CAMSAP1: variants seen among roughly 807,000 people sequenced by gnomAD.
CAMSAP1 encodes calmodulin regulated spectrin associated protein 1, also known as calmodulin-regulated spectrin-associated protein 1.
CAMSAP1 carries 58 observed loss-of-function variants against 143.5 expected under a neutral mutation model. The ratio of observed to expected loss-of-function variants is 0.40; its 90% CI spans 0.33 to 0.50. The LOEUF (loss-of-function observed/expected upper bound fraction) is 0.50. Ranked by LOEUF, CAMSAP1 falls within the 20% of genes least tolerant of loss-of-function variation. The probability of loss-of-function intolerance (pLI) is 0.45; values close to 1 mark genes in which losing one functional copy is unlikely to be tolerated. For missense variants in CAMSAP1, 1,969 were observed against 2,115.7 expected (o/e 0.93, Z 1.36); for synonymous variants, 945 against 859.3 (o/e 1.10, Z -1.74).
intron 1 of CAMSAP1, 75 bp downstream of exon 1, chr9:135,906,925 G>C: frequency 1.2e-6 from 1 of 850,106 alleles, no homozygotes; most frequent in Non-Finnish European, 1.4e-6. Context: ...ACCCCGACCC[G>C]GCCGGACCCC....
chr9:135,886,632 G>A (rs772912648), intron 1 of CAMSAP1, among the ~76,000 whole-genome samples: 6 of 152,206 alleles, frequency 3.9e-5, no homozygotes, highest in Non-Finnish European at 7.3e-5. Flanking sequence ...AGGCTTAGGC[G>A]GGCACACAAG....
chr9:135,843,077 C>T (rs1282985607), intron 7 of CAMSAP1, among the ~76,000 whole-genome samples: 4 of 152,072 alleles, frequency 2.6e-5, no homozygotes, highest in South Asian at 2.1e-4. Context: ...CCTGTAATCC[C>T]AGCACCTTGG....
At chr9:135,877,819 CAAAA>C (rs1837804569) in intron 3 of CAMSAP1, among the ~76,000 whole-genome samples, 1 of 151,694 alleles carries the variant, frequency 6.6e-6, no homozygotes, top group South Asian at 2.1e-4. Flanking sequence ...TCCAAAAAAA[CAAAA>C]AGAGAGAAAG....
At chr9:135,881,441 G>A (rs367708743) in intron 3 of CAMSAP1, among the ~76,000 whole-genome samples, 192 bp downstream of exon 3, 35 of 151,992 alleles carry the variant, frequency 2.3e-4, no homozygotes, top group East Asian at 1.2e-3. Flanking sequence ...CTCTACTCTC[G>A]GCCTGCGGGA....
chr9:135,904,635 A>C (rs1838715692), intron 1 of CAMSAP1, among the ~76,000 whole-genome samples: 1 of 151,984 alleles, frequency 6.6e-6, no homozygotes, highest in Non-Finnish European at 1.5e-5. Flanking sequence ...TCCCCCTGTG[A>C]AGCAAACTAT....
At chr9:135,836,562 G>C in intron 7 of CAMSAP1, 1 of 973,708 alleles carries the variant, frequency 1.0e-6, no homozygotes, top group African/African-American at 1.9e-5. Context: ...CCGTTCTACA[G>C]ACACACATCA....
intron 16 of CAMSAP1, among the ~76,000 whole-genome samples, chr9:135,814,744 TG>T (rs1378400482): frequency 6.6e-6 from 1 of 152,234 alleles, no homozygotes; most frequent in Non-Finnish European, 1.5e-5. Context: ...CTGACTGCTC[TG>T]ATCTACTGGG....
Position 135,874,478 on chromosome 9 carries a change from AGG to A in CAMSAP1, c.585+7153_585+7154del, listed in dbSNP as rs11440001. ...ACAGGGTGAGACCCTGTCTCAAAAA[AGG>A]GGGGGGGGGGCCACAGGGGCCGGGA... On this transcript the variant is annotated intron_variant, in intron 3 of 16. Coordinates refer to ENST00000389532, the MANE Select transcript of CAMSAP1 (RefSeq NM_015447.4). Among the ~76,000 whole-genome samples, 21 of 98,246 alleles carry A rather than the reference AGG, an allele frequency of 2.1e-4. 1 individual carries two copies. The highest frequency in any genetic ancestry group is 7.7e-4 in the African/African-American group (18 of 23,474). The allele number at this position is 98,246 out of a possible 152,430, so 64.5% of individuals were successfully genotyped here. A position where few individuals can be genotyped will look rare whatever the true frequency, so the allele number is the denominator to read the frequency against.
intron 7 of CAMSAP1, among the ~76,000 whole-genome samples, chr9:135,835,051 T>C (rs975560049): frequency 6.6e-6 from 1 of 152,046 alleles, no homozygotes; most frequent in Non-Finnish European, 1.5e-5. Context: ...TGTGAAGTGC[T>C]GGACTCTGAG....
chr9:135,846,682 CA>C (rs752714756), intron 7 of CAMSAP1, among the ~76,000 whole-genome samples: 1,482 of 53,722 alleles, frequency 0.028, 9 homozygotes, highest in African/African-American at 0.053. Context: ...ACAAATTTAC[CA>C]AAAAAAAAAA....
At chr9:135,841,342 AG>A (rs1314082795) in intron 7 of CAMSAP1, among the ~76,000 whole-genome samples, 1 of 152,214 alleles carries the variant, frequency 6.6e-6, no homozygotes, top group Non-Finnish European at 1.5e-5. Context: ...GAAAAGTATT[AG>A]CCCTAGTCAG....
intron 7 of CAMSAP1, chr9:135,836,198 C>A (rs1353686339): frequency 1.0e-6 from 1 of 985,190 alleles, no homozygotes; most frequent in African/African-American, 1.7e-5. Context: ...TTACCCGTTC[C>A]GCAGCCACAC....
In CAMSAP1 at chr9:135,882,074, T is replaced by A. The variant is rs375757007; in HGVS notation, c.424-280A>T. ...ACAGTGCACTGTCTCACACTGTCCT[T>A]TCTTATCTCCTCAACAGCCCTGTGG... On this transcript the variant is annotated intron_variant, in intron 2 of 16. Coordinates refer to ENST00000389532, the MANE Select transcript of CAMSAP1 (RefSeq NM_015447.4). The surrounding 1 kb of genome is among the most constrained non-coding windows in gnomAD (Gnocchi z 4.9). Among the ~76,000 whole-genome samples the A allele has an allele frequency of 1.3e-5, 2 of 152,180 alleles. No homozygotes were observed. The highest frequency in any genetic ancestry group is 3.9e-4 in the East Asian group (2 of 5,150).
intron 7 of CAMSAP1, among the ~76,000 whole-genome samples, chr9:135,838,508 ACGT>A (rs1836210884): frequency 6.9e-6 from 1 of 144,884 alleles, no homozygotes; most frequent in African/African-American, 2.6e-5. Context: ...CTACAGACAC[ACGT>A]CATCACGCAC....
chr9:135,877,278 TA>T (rs1017441298), intron 3 of CAMSAP1, among the ~76,000 whole-genome samples: 19 of 143,880 alleles, frequency 1.3e-4, no homozygotes, highest in Non-Finnish European at 7.7e-5. Context: ...TATCAAAACC[TA>T]AAAAAAAAAG....
At position 135,818,407 on chromosome 9, in the gene CAMSAP1, C is replaced by T; in HGVS notation, c.4168+1G>A. ...CCCGCGTGAGGGCCGGGGCTGCTTA[C>T]GGGTGGAGGAGCACTTGGTGCCGGA... On this transcript the variant is annotated splice_donor_variant, in intron 13 of 16. Transcript: ENST00000389532. LOFTEE classifies it high-confidence loss of function. This position sits in a 1 kb window ranked among gnomAD's most constrained non-coding sequence, Gnocchi z 7.7. 1 of 1,574,186 alleles carries T rather than the reference C, an allele frequency of 6.4e-7. No homozygotes were observed. The highest frequency in any genetic ancestry group is 8.6e-7 in the Non-Finnish European group (1 of 1,165,932).
chr9:135,867,315 A>T lies in CAMSAP1; in HGVS notation c.586-779T>A, dbSNP rs144932068. On this transcript the variant is annotated intron_variant, in intron 3 of 16. Transcript: ENST00000389532. Reference sequence around the variant, plus strand: ...GAGAAAGTAGAAGAAAGGATATTTAAATCCACAACCAAGTTTTGTATGCAT... The same window carrying T: ...GAGAAAGTAGAAGAAAGGATATTTATATCCACAACCAAGTTTTGTATGCAT... Among the ~76,000 whole-genome samples the T allele has an allele frequency of 4.3e-3, 661 of 152,324 alleles. 4 individuals are homozygous for T. The highest frequency in any genetic ancestry group is 0.014 in the African/African-American group (579 of 41,572).
intron 1 of CAMSAP1, among the ~76,000 whole-genome samples, chr9:135,900,054 C>G (rs531750766): frequency 3.6e-4 from 55 of 152,276 alleles, no homozygotes; most frequent in South Asian, 1.9e-3. Flanking sequence ...GAGACAGGAT[C>G]TTGCTCTGTT....
intron 5 of CAMSAP1, among the ~76,000 whole-genome samples, chr9:135,861,309 CT>C (rs35820753): frequency 0.19 from 27,760 of 144,264 alleles, 3,528 homozygotes; most frequent in African/African-American, 0.36. Context: ...CTCCTTCTTC[CT>C]TTTTTTTTTT....
Sources: gnomAD v4.1 joint callset for allele counts (sites outside exome capture counted in the v4.1 genomes callset) on GRCh38, gnomAD v4.1.1 for gene constraint, Gnocchi (gnomAD v3.1) non-coding constraint, MANE v1.5 for transcripts, NCBI Gene and HGNC (gene_info 2026-07-23, HGNC 2026-07-21) for gene names.